Variants in MEF2A observed in about 807,000 individuals in gnomAD.
MEF2A encodes the protein myocyte-specific enhancer factor 2A.
In MEF2A, 28 loss-of-function variants were observed where a neutral mutation model predicts 55.8. The ratio of observed to expected loss-of-function variants is 0.50; its 90% confidence interval spans 0.37 to 0.69. MEF2A has a LOEUF of 0.69. Among genes scored for constraint, MEF2A ranks in the 30% least tolerant of loss-of-function variants. The pLI is 0.00. For missense variants in MEF2A, 528 were observed against 626.2 expected (o/e 0.84, Z 1.67); for synonymous variants, 239 against 227.1 (o/e 1.05, Z -0.47).
chr15:99,625,386 G>A (rs148660991), intron 2 of MEF2A, among the ~76,000 whole-genome samples: 8 of 152,210 alleles, frequency 5.3e-5, no homozygotes, highest in African/African-American at 1.9e-4. Flanking sequence ...GCTCATGAAA[G>A]GATTCTAGGG....
intron 4 of MEF2A, among the ~76,000 whole-genome samples, chr15:99,661,640 C>T (rs1037509621): frequency 3.9e-5 from 6 of 151,972 alleles, no homozygotes; most frequent in Non-Finnish European, 8.8e-5. Context: ...AAATGTGCTT[C>T]ATTTCATTAG....
At chr15:99,710,312 G>A (rs1409235590) in intron 10 of MEF2A, among the ~76,000 whole-genome samples, 1 of 151,986 alleles carries the variant, frequency 6.6e-6, no homozygotes, top group Non-Finnish European at 1.5e-5. Context: ...GTGCTACCTC[G>A]GCTCACTGCA....
chr15:99,604,246 T>A (rs1468899266), intron 2 of MEF2A, among the ~76,000 whole-genome samples: 1 of 152,190 alleles, frequency 6.6e-6, no homozygotes, highest in Non-Finnish European at 1.5e-5. Context: ...TCCCACTTAC[T>A]CCAGGTTTTT....
intron 4 of MEF2A, among the ~76,000 whole-genome samples, chr15:99,656,038 T>C (rs1357373407): frequency 6.6e-6 from 1 of 152,110 alleles, no homozygotes; most frequent in Non-Finnish European, 1.5e-5. Context: ...TAATGACCTA[T>C]AAAATGGAAC....
At chr15:99,586,090 T>A (rs1239041273) in intron 1 of MEF2A, among the ~76,000 whole-genome samples, 1 of 152,208 alleles carries the variant, frequency 6.6e-6, no homozygotes, top group Non-Finnish European at 1.5e-5. Flanking sequence ...CTGTTTGCCT[T>A]TCATGGACTT....
rs80084820 is a variant in MEF2A, at chr15:99,655,571, T to C, written c.258+9807T>C. Among the ~76,000 whole-genome samples the C allele has an allele frequency of 2.6e-5, 4 of 152,124 alleles. No individual in the cohort carries two copies. The East Asian group carries it at 7.7e-4, about 29-fold the overall frequency. On this transcript the variant is annotated intron_variant, in intron 4 of 11. Transcript: ENST00000557942. ...AATCTGGCAGCAGATTAGCAGTATT[T>C]TAAAAGAAGTGTGTAGCTTTTAAAA...
chr15:99,680,516 T>C (rs895196791), intron 7 of MEF2A, among the ~76,000 whole-genome samples: 2 of 152,196 alleles, frequency 1.3e-5, no homozygotes, highest in Admixed American at 1.3e-4. Context: ...GTTTTAGTTG[T>C]CATAAAAATG....
chr15:99,663,811 ATCTTTTTTCTT>A (rs1301900817), intron 4 of MEF2A, among the ~76,000 whole-genome samples: 2 of 152,154 alleles, frequency 1.3e-5, no homozygotes, highest in African/African-American at 2.4e-5. Flanking sequence ...CCTCTCAAGT[ATCTTTTTTCTT>A]TCTTTTTTCA....
Position 99,714,520 on chromosome 15 carries a change from T to C in MEF2A, c.*1749T>C, listed in dbSNP as rs897074. ...GCGGGGAGAAACACTCTTAGGGTGC[T>C]GGTCCTTGGCATGACTCTTGCCATT... On this transcript the variant is annotated 3_prime_UTR_variant, in exon 12 of 12. Transcript: ENST00000557942. 63,758 of 151,854 alleles carry C rather than the reference T, an allele frequency of 0.42. 13,941 individuals are homozygous for C. Among genetic ancestry groups the C allele is most frequent in the African/African-American group, 0.55 (22,680 of 41,358 alleles). 9.4% of individuals were successfully genotyped at this position (151,854 alleles called of 1,614,324 possible). A position where few individuals can be genotyped will look rare whatever the true frequency, so the allele number is the denominator to read the frequency against.
intron 4 of MEF2A, among the ~76,000 whole-genome samples, chr15:99,660,889 T>C (rs2048507414): frequency 6.6e-6 from 1 of 152,180 alleles, no homozygotes; most frequent in African/African-American, 2.4e-5. Context: ...GAAATACTTT[T>C]TGAAAGAACT....
chr15:99,609,413 G>A (rs1976346487), intron 2 of MEF2A, among the ~76,000 whole-genome samples: 1 of 152,188 alleles, frequency 6.6e-6, no homozygotes, highest in Non-Finnish European at 1.5e-5. Flanking sequence ...GTTACATAAA[G>A]CCAAACTGCA....
intron 3 of MEF2A, among the ~76,000 whole-genome samples, chr15:99,644,180 T>G (rs1383257399): frequency 2.0e-5 from 3 of 152,134 alleles, no homozygotes; most frequent in Non-Finnish European, 4.4e-5. Flanking sequence ...TTAAAGAGAT[T>G]AGATCTACAT....
intron 2 of MEF2A, among the ~76,000 whole-genome samples, chr15:99,618,265 A>G (rs1337760753): frequency 6.6e-6 from 1 of 152,192 alleles, no homozygotes; most frequent in Non-Finnish European, 1.5e-5. Flanking sequence ...GAACAATCCT[A>G]AACTGAGGAA....
rs144461661 is a variant in MEF2A, at chr15:99,712,495, A to C, written c.1242A>C (p.Pro414=). ...PISPPRDRMT[P]SGFQQQQQQQ... ...CACCTCCTCGGGATCGTATGACCCCATCGGGCTTCCAGCAGCAGCAGCAGC... is the reference window on the plus strand; with the variant it reads ...CACCTCCTCGGGATCGTATGACCCCCTCGGGCTTCCAGCAGCAGCAGCAGC... The change falls in exon 12 of 12, where the codon CCA becomes CCC. Residue 414 remains proline, a synonymous_variant. Coordinates refer to ENST00000557942, the MANE Select transcript of MEF2A (RefSeq NM_001319206.4). The surrounding 1 kb of genome is among the most constrained non-coding windows in gnomAD (Gnocchi z 4.1). The C allele has an allele frequency of 6.5e-7, 1 of 1,547,986 alleles. No individual in the cohort carries two copies. Among genetic ancestry groups the C allele is most frequent in the Non-Finnish European group, 8.7e-7 (1 of 1,146,096 alleles).
chr15:99,566,687 C>G (rs1261450262), intron 1 of MEF2A: 1 of 152,406 alleles, frequency 6.6e-6, no homozygotes, highest in African/African-American at 2.4e-5. Flanking sequence ...GGGGGGCCTT[C>G]TGCCCTGTTG....
intron 3 of MEF2A, among the ~76,000 whole-genome samples, chr15:99,639,003 C>T (rs1435856649): frequency 6.6e-6 from 1 of 152,036 alleles, no homozygotes; most frequent in Non-Finnish European, 1.5e-5. Context: ...CCAACAACTA[C>T]TCCCTCTAAC....
chr15:99,639,490 A>G (rs149696710), intron 3 of MEF2A, among the ~76,000 whole-genome samples: 1 of 152,208 alleles, frequency 6.6e-6, no homozygotes. Context: ...TCAAAGAACA[A>G]CTATGTTGTT....
intron 10 of MEF2A, among the ~76,000 whole-genome samples, chr15:99,708,785 G>T (rs1192687353): frequency 6.6e-6 from 1 of 152,180 alleles, no homozygotes; most frequent in African/African-American, 2.4e-5. Flanking sequence ...TCTCAGCTCG[G>T]ACAGGAAGGA....
chr15:99,584,209 A>C (rs998694191), intron 1 of MEF2A, among the ~76,000 whole-genome samples: 6 of 152,194 alleles, frequency 3.9e-5, no homozygotes, highest in African/African-American at 1.4e-4. Context: ...TACTGACTGA[A>C]ATGTTGCTAT....
Sources: allele counts gnomAD v4.1 joint callset (sites outside exome capture counted in the v4.1 genomes callset), GRCh38; gene constraint gnomAD v4.1.1; non-coding constraint Gnocchi (gnomAD v3.1); transcripts MANE v1.5; gene names NCBI Gene and HGNC (gene_info 2026-07-23, HGNC 2026-07-21).